The following GPC5 variants were observed in gnomAD, a reference collection of about 807,000 sequenced individuals.
GPC5 encodes the protein glypican-5.
In GPC5, 47 loss-of-function variants were observed where a neutral mutation model predicts 53.9. The ratio of observed to expected loss-of-function variants is 0.87; its 90% CI spans 0.69 to 1.11. The LOEUF (loss-of-function observed/expected upper bound fraction) is 1.11. Ranked by LOEUF, GPC5 falls within the 50% of genes most tolerant of loss-of-function variation. The pLI is 0.00. For synonymous variants in GPC5, 286 were observed against 263.3 expected (o/e 1.09, Z -0.84); for missense variants, 748 against 713.1 (o/e 1.05, Z -0.56).
intron 7 of GPC5, among the ~76,000 whole-genome samples, chr13:92,785,376 A>C (rs1404884648): frequency 1.3e-5 from 2 of 152,166 alleles, no homozygotes; most frequent in Non-Finnish European, 2.9e-5. Context: ...CATTTTTCAT[A>C]TTTCTCTCCC....
At chr13:92,287,048 A>G (rs796379933) in intron 7 of GPC5, among the ~76,000 whole-genome samples, 1 of 152,204 alleles carries the variant, frequency 6.6e-6, no homozygotes, top group Non-Finnish European at 1.5e-5. Flanking sequence ...CCAGATCTAC[A>G]GAGAAGATAA....
At chr13:92,571,809 T>G (rs1318220238) in intron 7 of GPC5, among the ~76,000 whole-genome samples, 2 of 151,970 alleles carry the variant, frequency 1.3e-5, no homozygotes, top group Non-Finnish European at 2.9e-5. Flanking sequence ...GAGGCGAAGG[T>G]GAGTGGATTG....
intron 6 of GPC5, among the ~76,000 whole-genome samples, chr13:92,059,439 C>T (rs1389463538): frequency 6.6e-6 from 1 of 151,920 alleles, no homozygotes; most frequent in African/African-American, 2.4e-5. Flanking sequence ...CAAAGGCAAC[C>T]ATTATTTATG....
At chr13:92,479,731 G>T (rs185923708) in intron 7 of GPC5, among the ~76,000 whole-genome samples, 3 of 152,296 alleles carry the variant, frequency 2.0e-5, no homozygotes. Context: ...CTCAGATGAT[G>T]CCAGGCAGGG....
chr13:92,245,953 A>C (rs2042647565), intron 7 of GPC5, among the ~76,000 whole-genome samples: 1 of 152,010 alleles, frequency 6.6e-6, no homozygotes, highest in Admixed American at 6.6e-5. Context: ...GGTGGGCCCT[A>C]TATTATTCAT....
chr13:92,163,082 G>A (rs1220574468), intron 7 of GPC5, among the ~76,000 whole-genome samples: 1 of 152,064 alleles, frequency 6.6e-6, no homozygotes, highest in African/African-American at 2.4e-5. Flanking sequence ...ATGAATATAT[G>A]AATGAGTGAA....
chr13:92,411,728 TAAAC>T (rs988716312), intron 7 of GPC5, among the ~76,000 whole-genome samples: 3 of 152,214 alleles, frequency 2.0e-5, no homozygotes, highest in Non-Finnish European at 4.4e-5. Flanking sequence ...CTGCCCTAAT[TAAAC>T]AAGTATCATA....
Position 91,693,505 on chromosome 13 carries a change from T to G in GPC5, c.644T>G (p.Met215Arg), listed in dbSNP as rs2035806899. Residue 215 changes from methionine to arginine, a missense_variant, in exon 3 of 8, where the codon ATG (methionine) becomes AGG (arginine). Coordinates refer to ENST00000377067, the MANE Select transcript of GPC5 (RefSeq NM_004466.6). Reference sequence around the variant, plus strand: ...ATTCCCCAAAGAGTAATGGGACAGATGGGGAGGTCCCTGCTGCCCAGCCGC... The same window carrying G: ...ATTCCCCAAAGAGTAATGGGACAGAGGGGGAGGTCCCTGCTGCCCAGCCGC... ...GNIPQRVMGQ[M>R]GRSLLPSRTF... 3 of 1,614,076 alleles carry G rather than the reference T, an allele frequency of 1.9e-6. No individual in the cohort carries two copies. The highest frequency in any genetic ancestry group is 1.6e-4 in the Middle Eastern group (1 of 6,062).
intron 3 of GPC5, 74 bp from the exon 4 acceptor site, chr13:91,728,458 C>A: frequency 1.7e-5 from 24 of 1,415,680 alleles, no homozygotes; most frequent in Non-Finnish European, 2.1e-5. Flanking sequence ...TTGTTTTGGG[C>A]CCTATGAAAC....
At chr13:92,520,114 C>A (rs1451804945) in intron 7 of GPC5, among the ~76,000 whole-genome samples, 7 of 152,024 alleles carry the variant, frequency 4.6e-5, no homozygotes, top group Admixed American at 4.6e-4. Flanking sequence ...CAATAACAGG[C>A]TCTGAAATTG....
At chr13:91,561,766 A>T (rs2031274421) in intron 2 of GPC5, among the ~76,000 whole-genome samples, 1 of 152,114 alleles carries the variant, frequency 6.6e-6, no homozygotes, top group Admixed American at 6.6e-5. Context: ...AATAGATGAA[A>T]TTGTAATTAA....
intron 7 of GPC5, among the ~76,000 whole-genome samples, chr13:92,389,141 C>T (rs1874879985): frequency 1.3e-5 from 2 of 152,052 alleles, no homozygotes; most frequent in Admixed American, 1.3e-4. Flanking sequence ...AAGGAATGTG[C>T]TGGTTGTTTC....
chr13:92,220,041 C>G (rs908893221), intron 7 of GPC5, among the ~76,000 whole-genome samples: 3 of 152,156 alleles, frequency 2.0e-5, no homozygotes, highest in Admixed American at 6.5e-5. Context: ...TGGACAGCCT[C>G]CACTGGTAAC....
intron 2 of GPC5, among the ~76,000 whole-genome samples, chr13:91,686,990 T>C (rs1367976443): frequency 6.6e-6 from 1 of 152,052 alleles, no homozygotes; most frequent in Non-Finnish European, 1.5e-5. Context: ...AAAATCTATT[T>C]CATTTCTATA....
At chr13:91,575,003 A>G (rs138556645) in intron 2 of GPC5, among the ~76,000 whole-genome samples, 1 of 152,286 alleles carries the variant, frequency 6.6e-6, no homozygotes, top group Non-Finnish European at 1.5e-5. Context: ...GAGTTCTCCA[A>G]TATAATGCCT....
chr13:91,693,934 C>A, intron 3 of GPC5, 53 bp downstream of exon 3: 2 of 1,315,570 alleles, frequency 1.5e-6, no homozygotes, highest in South Asian at 1.3e-5. Context: ...CAAATATTAG[C>A]CATGATATAC....
At chr13:91,682,497 A>AAGTC (rs2035530142) in intron 2 of GPC5, among the ~76,000 whole-genome samples, 1 of 152,158 alleles carries the variant, frequency 6.6e-6, no homozygotes, top group Non-Finnish European at 1.5e-5. Context: ...AGAGGCAAGG[A>AAGTC]AGTCAGGAAA....
At position 92,697,364 on chromosome 13, in the gene GPC5, CTT is replaced by C. The variant is rs200766214; in HGVS notation, c.1562-168917_1562-168916del. Among the ~76,000 whole-genome samples the C allele has an allele frequency of 6.5e-3, 992 of 152,216 alleles. 10 individuals are homozygous for C. The highest frequency in any genetic ancestry group is 0.023 in the African/African-American group (949 of 41,528). On this transcript the variant is annotated intron_variant, in intron 7 of 7. Transcript: ENST00000377067. ...GTTTTTCCATTTATCTGTGTCCTCT[CTT>C]ATTTCCTTGTGCAGTGGTTTGTAGT...
At chr13:92,764,071 C>T (rs1208345473) in intron 7 of GPC5, among the ~76,000 whole-genome samples, 1 of 152,096 alleles carries the variant, frequency 6.6e-6, no homozygotes, top group Non-Finnish European at 1.5e-5. Flanking sequence ...CCTCAGAGTA[C>T]CATGTCAGCT....
Sources: gnomAD v4.1 joint callset for allele counts (sites outside exome capture counted in the v4.1 genomes callset) on GRCh38, gnomAD v4.1.1 for gene constraint, MANE v1.5 for transcripts, NCBI Gene and HGNC (gene_info 2026-07-23, HGNC 2026-07-21) for gene names.